Variants in STK24 observed in about 807,000 individuals in gnomAD.
STK24 encodes the protein serine/threonine-protein kinase 24.
In STK24, 21 loss-of-function variants were observed where a neutral mutation model predicts 55.6. The observed-to-expected ratio is 0.38, with a 90% CI of 0.27 to 0.54. The LOEUF (loss-of-function observed/expected upper bound fraction) is 0.54. Among genes scored for constraint, STK24 ranks in the 20% least tolerant of loss-of-function variants. The pLI, the probability that STK24 is intolerant of heterozygous loss-of-function variation, is 0.79. For synonymous variants in STK24, 200 were observed against 215.2 expected, an observed-to-expected ratio of 0.93 and a Z score of 0.62; for missense variants, 383 against 538.4, an observed-to-expected ratio of 0.71 and a Z score of 2.86.
chr13:98,537,686 T>A (rs748302776), intron 1 of STK24, among the ~76,000 whole-genome samples: 1 of 152,016 alleles, frequency 6.6e-6, no homozygotes, highest in Admixed American at 6.5e-5. Context: ...GAGGTGGCGA[T>A]CTTTATAGTC....
At position 98,448,748 on chromosome 13, in the gene STK24, T is replaced by TTTGTTTGC. The variant is rs1389808524; in HGVS notation, c.*4417_*4424dup. 1.2e-5 allele frequency: 2 copies of TTTGTTTGC among 161,146 alleles called. No individual in the cohort carries two copies. Among genetic ancestry groups the TTTGTTTGC allele is most frequent in the Non-Finnish European group, 2.7e-5 (2 of 73,880 alleles). The allele number at this position is 161,146 out of a possible 1,614,324, so 10.0% of individuals were successfully genotyped here. On this transcript the variant is annotated 3_prime_UTR_variant, in exon 11 of 11. Transcript: ENST00000539966. ...AAGTGGACTTCCCGGTGTTTGTTTG[T>TTTGTTTGC]TTGTTTGCAATACACTCAGTGCAGC... is the stretch of plus-strand genomic sequence containing the variant.
chr13:98,467,036 G>T (rs1280799873), intron 5 of STK24, among the ~76,000 whole-genome samples: 1 of 152,206 alleles, frequency 6.6e-6, no homozygotes, highest in Non-Finnish European at 1.5e-5. Context: ...TTAGATGAAA[G>T]AGCTAACCTC....
chr13:98,480,677 T>C (rs575065736), intron 3 of STK24, among the ~76,000 whole-genome samples: 76 of 152,356 alleles, frequency 5.0e-4, no homozygotes, highest in African/African-American at 1.8e-3. Context: ...CAGATACATA[T>C]AGTTTCAGAA....
chr13:98,490,302 GAA>G lies in STK24; in HGVS notation c.274-7983_274-7982del, dbSNP rs375794378. ...CCCCAAATGCTGAACCTAACCTAGA[GAA>G]AAAGAGTTTTTCCTTCCTGACAAGT... On this transcript the variant is annotated intron_variant, in intron 2 of 10. Coordinates refer to ENST00000539966, the MANE Select transcript of STK24 (RefSeq NM_001032296.4). Among the ~76,000 whole-genome samples, 222 of 152,286 alleles carry G rather than the reference GAA, an allele frequency of 1.5e-3. 1 individual carries two copies. The highest frequency in any genetic ancestry group is 5.2e-3 in the African/African-American group (214 of 41,552).
intron 1 of STK24, among the ~76,000 whole-genome samples, chr13:98,524,036 G>T (rs1165839190): frequency 6.6e-6 from 1 of 152,090 alleles, no homozygotes; most frequent in African/African-American, 2.4e-5. Context: ...AGAGCTGGCA[G>T]CCCGTCCACA....
intron 1 of STK24, among the ~76,000 whole-genome samples, chr13:98,555,159 A>G (rs1897255139): frequency 2.6e-5 from 4 of 152,220 alleles, no homozygotes. Context: ...AGCTGACTAT[A>G]ATCATGACCT....
At chr13:98,510,809 T>C (rs957729730) in intron 2 of STK24, among the ~76,000 whole-genome samples, 3 of 152,212 alleles carry the variant, frequency 2.0e-5, no homozygotes, top group African/African-American at 7.2e-5. Flanking sequence ...TGAAATGTTC[T>C]AAAATTGTGG....
chr13:98,563,401 G>C (rs1897481733), intron 1 of STK24, among the ~76,000 whole-genome samples: 2 of 152,116 alleles, frequency 1.3e-5, no homozygotes, highest in Admixed American at 6.5e-5. Context: ...ACAAAGCAGG[G>C]GAAGGCATTC....
rs997491657 is a variant in STK24 at position 98,450,195 on chromosome 13, C to CAGAT, written c.*2974_*2977dup. The CAGAT allele has an allele frequency of 2.2e-4, 34 of 152,160 alleles. No individual in the cohort carries two copies. Among genetic ancestry groups the CAGAT allele is most frequent in the Middle Eastern group, 6.8e-3 (2 of 294 alleles). The allele number at this position is 152,160 out of a possible 1,614,324, so 9.4% of individuals were successfully genotyped here. ...ACTACACATGAGACACACAATGATG[C>CAGAT]AGATACTCGTTTTCTTGAGCTTTAT... is the stretch of plus-strand genomic sequence containing the variant. On this transcript the variant is annotated 3_prime_UTR_variant, in exon 11 of 11. Transcript: ENST00000539966.
At chr13:98,516,466 C>T (rs553153922) in intron 2 of STK24, among the ~76,000 whole-genome samples, 1 of 152,344 alleles carries the variant, frequency 6.6e-6, no homozygotes, top group East Asian at 1.9e-4. Flanking sequence ...AAAAGGCCAG[C>T]CTACTGTGCA....
intron 1 of STK24, among the ~76,000 whole-genome samples, chr13:98,561,970 T>A (rs1469445362): frequency 9.9e-6 from 1 of 101,070 alleles, no homozygotes; most frequent in Non-Finnish European, 1.8e-5. Context: ...AGAGTGAGAC[T>A]CCGTCTCAAA....
intron 1 of STK24, among the ~76,000 whole-genome samples, chr13:98,539,816 CAG>C (rs1896836746): frequency 6.6e-6 from 1 of 152,138 alleles, no homozygotes; most frequent in African/African-American, 2.4e-5. Context: ...ATGTGGAAAC[CAG>C]AGAGTCTCCA....
In STK24 at chr13:98,500,826, T is replaced by C. The variant is rs373519230; in HGVS notation, c.273+18417A>G. On this transcript the variant is annotated intron_variant, in intron 2 of 10. Coordinates refer to ENST00000539966, the MANE Select transcript of STK24 (RefSeq NM_001032296.4). ...TAAAATACAGTGTAAGTGATGTTAG[T>C]GGCAAATTTCATGATTCCAGAGACC... Among the ~76,000 whole-genome samples, 33 of 152,194 alleles carry C rather than the reference T, an allele frequency of 2.2e-4. 2 individuals carry two copies. The highest frequency in any genetic ancestry group is 7.2e-4 in the African/African-American group (30 of 41,502).
At chr13:98,558,525 A>C (rs1179771066) in intron 1 of STK24, among the ~76,000 whole-genome samples, 1 of 152,142 alleles carries the variant, frequency 6.6e-6, no homozygotes, top group Non-Finnish European at 1.5e-5. Flanking sequence ...CTAACTCAGA[A>C]ACCTGCACCC....
At chr13:98,512,876 C>T (rs1324281987) in intron 2 of STK24, among the ~76,000 whole-genome samples, 1 of 152,220 alleles carries the variant, frequency 6.6e-6, no homozygotes, top group Admixed American at 6.5e-5. Flanking sequence ...GAGGGGCTCC[C>T]TCTCATCTGT....
chr13:98,477,703 G>GTC (rs1022445126), intron 3 of STK24, among the ~76,000 whole-genome samples: 1 of 150,420 alleles, frequency 6.6e-6, no homozygotes, highest in Non-Finnish European at 1.5e-5. Flanking sequence ...TCACATTAGA[G>GTC]TCGGGTCCCA....
At chr13:98,560,891 G>A (rs1272265761) in intron 1 of STK24, among the ~76,000 whole-genome samples, 3 of 140,376 alleles carry the variant, frequency 2.1e-5, no homozygotes, top group Non-Finnish European at 4.6e-5. Context: ...GCAAGACTCC[G>A]TCTCAAAAAA....
intron 9 of STK24, among the ~76,000 whole-genome samples, chr13:98,458,500 T>C (rs1451889835): frequency 1.3e-5 from 2 of 152,084 alleles, no homozygotes; most frequent in African/African-American, 4.8e-5. Flanking sequence ...GGAGGGCCAG[T>C]GGGTGTAGAG....
intron 2 of STK24, among the ~76,000 whole-genome samples, chr13:98,484,035 C>T (rs1594599051): frequency 6.6e-6 from 1 of 152,342 alleles, no homozygotes. Context: ...ATGTGTCTGA[C>T]ACCCAACTCA....
Sources: gnomAD v4.1 joint callset for allele counts (sites outside exome capture counted in the v4.1 genomes callset) on GRCh38, gnomAD v4.1.1 for gene constraint, MANE v1.5 for transcripts, NCBI Gene and HGNC (gene_info 2026-07-23, HGNC 2026-07-21) for gene names.